The following GPHN variants were observed in gnomAD, a reference collection of about 807,000 sequenced individuals.
The protein encoded by GPHN is gephyrin.
In GPHN, 17 loss-of-function variants were observed where a neutral mutation model predicts 95.5. That is an observed-to-expected ratio of 0.18 (90% CI 0.12 to 0.27). The LOEUF (loss-of-function observed/expected upper bound fraction) is 0.27. Ranked by LOEUF, GPHN falls within the 10% of genes least tolerant of loss-of-function variation. The pLI, the probability that GPHN is intolerant of heterozygous loss-of-function variation, is 1.00. For synonymous variants in GPHN, 320 were observed against 322.5 expected (o/e 0.99, Z 0.08); for missense variants, 660 against 978.1 (o/e 0.67, Z 4.34).
chr14:67,388,311 G>C, the GPHN span: 11 of 1,583,678 alleles, frequency 6.9e-6, no homozygotes, highest in Admixed American at 1.8e-4. Flanking sequence ...TCCTGTAGAG[G>C]AAAGGAGACC....
At chr14:67,292,728 T>G in the GPHN span, 1 of 1,606,786 alleles carries the variant, frequency 6.2e-7, no homozygotes, top group South Asian at 1.1e-5. Context: ...AGGTATGTAT[T>G]CTAAACATCT....
At chr14:66,826,106 G>GA (rs1440891668) in intron 4 of GPHN, among the ~76,000 whole-genome samples, 1 of 152,026 alleles carries the variant, frequency 6.6e-6, no homozygotes, top group African/African-American at 2.4e-5. Flanking sequence ...CAGAAAAATA[G>GA]AAAAAATTTC....
chr14:67,592,725 G>C, the GPHN span: 1 of 1,550,558 alleles, frequency 6.4e-7, no homozygotes. Flanking sequence ...TCTGCTGTAA[G>C]AAAATAAATC....
At chr14:66,522,661 T>A (rs530012556) in intron 1 of GPHN, among the ~76,000 whole-genome samples, 3 of 152,268 alleles carry the variant, frequency 2.0e-5, no homozygotes, top group Non-Finnish European at 4.4e-5. Flanking sequence ...TTTTTATATG[T>A]ATTCTTTTAC....
At chr14:66,619,322 T>C (rs2063186407) in intron 1 of GPHN, among the ~76,000 whole-genome samples, 1 of 152,198 alleles carries the variant, frequency 6.6e-6, no homozygotes, top group Admixed American at 6.5e-5. Context: ...CCAAAGTGGT[T>C]GTTCTCATTA....
the GPHN span, chr14:67,380,905 TAAG>T: frequency 2.2e-5 from 10 of 455,898 alleles, no homozygotes; most frequent in Middle Eastern, 5.7e-4. Context: ...AACAAAAGCT[TAAG>T]AAATTATTTT....
the GPHN span, among the ~76,000 whole-genome samples, chr14:67,231,349 T>C: frequency 6.0e-3 from 908 of 152,192 alleles, 12 homozygotes; most frequent in African/African-American, 0.021. Flanking sequence ...TGAGACAGGA[T>C]CTTGTTCTGA....
chr14:66,660,634 G>A (rs888430220), intron 1 of GPHN, among the ~76,000 whole-genome samples: 1 of 152,104 alleles, frequency 6.6e-6, no homozygotes, highest in Non-Finnish European at 1.5e-5. Context: ...TACTTCCAGT[G>A]GGGCGCCAAG....
At chr14:67,411,465 C>T in the GPHN span, among the ~76,000 whole-genome samples, 1 of 152,118 alleles carries the variant, frequency 6.6e-6, no homozygotes, top group Non-Finnish European at 1.5e-5. Context: ...TTGGGTCAAC[C>T]TGAGTGGGTC....
chr14:67,446,497 G>C, the GPHN span, among the ~76,000 whole-genome samples: 7 of 152,156 alleles, frequency 4.6e-5, no homozygotes, highest in Non-Finnish European at 7.3e-5. Context: ...GCTGACCTCC[G>C]GGTCAGCAGA....
At chr14:67,107,683 A>T (rs2078122035) in intron 13 of GPHN, among the ~76,000 whole-genome samples, 1 of 151,978 alleles carries the variant, frequency 6.6e-6, no homozygotes. Flanking sequence ...CTCACTTCAG[A>T]CTCTGAGGCC....
At chr14:67,254,177 T>A in the GPHN span, 1 of 141,244 alleles carries the variant, frequency 7.1e-6, no homozygotes. Flanking sequence ...ATTTTAAGTG[T>A]CTTTCTTTTT....
chr14:67,340,346 T>C, the GPHN span: 1 of 1,046,576 alleles, frequency 9.6e-7, no homozygotes, highest in Admixed American at 1.9e-5. Flanking sequence ...GCTGTGCTAA[T>C]TCTAAAGAAC....
chr14:66,716,779 G>A (rs879511575), intron 2 of GPHN, among the ~76,000 whole-genome samples: 3 of 152,138 alleles, frequency 2.0e-5, no homozygotes, highest in Non-Finnish European at 4.4e-5. Flanking sequence ...ATGTTGCTTA[G>A]TTTCAGTGGA....
downstream of GPHN, among the ~76,000 whole-genome samples, chr14:67,184,297 A>G (rs1338043676): frequency 1.3e-5 from 2 of 152,272 alleles, no homozygotes; most frequent in Non-Finnish European, 2.9e-5. Context: ...CAATAAAACC[A>G]TTAGAGATTC....
At chr14:67,441,041 C>T in the GPHN span, among the ~76,000 whole-genome samples, 11 of 152,240 alleles carry the variant, frequency 7.2e-5, no homozygotes, top group African/African-American at 2.2e-4. Context: ...GGGATAAAAA[C>T]GGAGCATCAA....
Position 66,691,433 on chromosome 14 carries a change from T to C in GPHN, c.143+10248T>C, listed in dbSNP as rs181272870. Among the ~76,000 whole-genome samples, 95 of 152,232 alleles carry C rather than the reference T, an allele frequency of 6.2e-4. 2 individuals are homozygous for C. Among genetic ancestry groups the C allele is most frequent in the Admixed American group, 1.9e-3 (29 of 15,280 alleles). On this transcript the variant is annotated intron_variant, in intron 2 of 22. Coordinates refer to ENST00000478722, the MANE Select transcript of GPHN (RefSeq NM_020806.5). ...CTCCTGACCCTGTGATTCACCTGCC[T>C]TGGCCTCCCAAAGTGCTGGGATTAC... is the stretch of plus-strand genomic sequence containing the variant.
intron 4 of GPHN, among the ~76,000 whole-genome samples, chr14:66,844,313 C>T (rs2062225955): frequency 1.3e-5 from 2 of 152,088 alleles, no homozygotes; most frequent in Non-Finnish European, 2.9e-5. Flanking sequence ...CTAAAAATAA[C>T]TTGCAACATA....
At chr14:67,011,565 C>A (rs2073006915) in intron 9 of GPHN, among the ~76,000 whole-genome samples, 1 of 123,264 alleles carries the variant, frequency 8.1e-6, no homozygotes, top group Non-Finnish European at 1.6e-5. Context: ...TAGAGTGAGA[C>A]CTTGCCTCAA....
Sources: allele counts gnomAD v4.1 joint callset (sites outside exome capture counted in the v4.1 genomes callset), GRCh38; gene constraint gnomAD v4.1.1; transcripts MANE v1.5; gene names NCBI Gene and HGNC (gene_info 2026-07-23, HGNC 2026-07-21).